Variants in RBFOX3 observed in about 807,000 individuals in gnomAD.
RBFOX3 encodes RNA binding protein fox-1 homolog 3.
Under a neutral mutation model 48.7 loss-of-function variants are expected in RBFOX3, and 17 were observed. That is an observed-to-expected ratio of 0.35 (90% CI 0.24 to 0.52). The LOEUF (loss-of-function observed/expected upper bound fraction) is 0.52, where lower values mean the gene tolerates loss of function less well. Among genes scored for constraint, RBFOX3 ranks in the 20% least tolerant of loss-of-function variants. The pLI, the probability that RBFOX3 is intolerant of heterozygous loss-of-function variation, is 0.94. For synonymous variants in RBFOX3, 212 were observed against 209.5 expected (o/e 1.01, Z -0.10); for missense variants, 382 against 497.5 (o/e 0.77, Z 2.21).
chr17:79,303,093 C>G (rs1438264829), intron 3 of RBFOX3, among the ~76,000 whole-genome samples: 1 of 152,110 alleles, frequency 6.6e-6, no homozygotes, highest in African/African-American at 2.4e-5. Flanking sequence ...CCTGTGGTCC[C>G]AGCTACTTGG....
intron 4 of RBFOX3, among the ~76,000 whole-genome samples, chr17:79,137,418 G>A (rs1051690851): frequency 1.3e-5 from 2 of 152,098 alleles, no homozygotes; most frequent in African/African-American, 4.8e-5. Flanking sequence ...AGGGGGCGGG[G>A]CAAAATCACC....
intron 4 of RBFOX3, among the ~76,000 whole-genome samples, chr17:79,172,619 A>G (rs1249595818): frequency 1.3e-5 from 2 of 152,318 alleles, no homozygotes; most frequent in Middle Eastern, 3.4e-3. Context: ...GACCAGAGGG[A>G]GTATCAGAGC....
At chr17:79,247,227 G>T (rs2063299358) in intron 3 of RBFOX3, among the ~76,000 whole-genome samples, 2 of 152,126 alleles carry the variant, frequency 1.3e-5, no homozygotes, top group Admixed American at 1.3e-4. Context: ...AGGATGAAAG[G>T]TGGGAGATAC....
At chr17:79,510,087 G>A (rs946224384) in intron 1 of RBFOX3, among the ~76,000 whole-genome samples, 8 of 152,128 alleles carry the variant, frequency 5.3e-5, no homozygotes, top group Non-Finnish European at 1.0e-4. Flanking sequence ...ATGGCCTCAC[G>A]CAACTCTGCC....
chr17:79,488,495 G>T (rs1555770869), intron 1 of RBFOX3, among the ~76,000 whole-genome samples: 1 of 152,194 alleles, frequency 6.6e-6, no homozygotes. Context: ...TCCATTCTCT[G>T]CAACAGCCTG....
rs976840584 is a variant in RBFOX3, at chr17:79,588,492, T to G, written c.-320+22334A>C. Among the ~76,000 whole-genome samples the G allele has an allele frequency of 4.1e-3, 625 of 152,294 alleles. 5 individuals are homozygous for G. The highest frequency in any genetic ancestry group is 0.014 in the African/African-American group (600 of 41,566). On this transcript the variant is annotated intron_variant, in intron 1 of 14. Coordinates refer to ENST00000693108, the MANE Select transcript of RBFOX3 (RefSeq NM_001350451.2). ...AATAAATAGTAGTTGACCAAGGTAC[T>G]GACCACCCTCACCCCAGGTTAGGAA...
chr17:79,328,601 A>G (rs2079707626), intron 2 of RBFOX3, among the ~76,000 whole-genome samples: 1 of 152,222 alleles, frequency 6.6e-6, no homozygotes, highest in Admixed American at 6.5e-5. Flanking sequence ...GACAGCCCCC[A>G]GGTCTTGCAC....
chr17:79,207,188 C>T (rs1461355128), intron 4 of RBFOX3, among the ~76,000 whole-genome samples: 1 of 152,218 alleles, frequency 6.6e-6, no homozygotes, highest in African/African-American at 2.4e-5. Context: ...TTTTACGATT[C>T]AGAAAACAGA....
chr17:79,240,327 C>T (rs1235415632), intron 3 of RBFOX3, among the ~76,000 whole-genome samples: 1 of 152,220 alleles, frequency 6.6e-6, no homozygotes, highest in African/African-American at 2.4e-5. Flanking sequence ...AGACCACTCC[C>T]ACTCATTGGT....
chr17:79,491,063 G>A (rs1158467788), intron 1 of RBFOX3, among the ~76,000 whole-genome samples: 1 of 10,990 alleles, frequency 9.1e-5, no homozygotes, highest in African/African-American at 5.6e-4. Context: ...AGAGGGGAGG[G>A]GAGGGGAGGG....
At chr17:79,650,862 C>G in the RBFOX3 span, among the ~76,000 whole-genome samples, 1 of 152,182 alleles carries the variant, frequency 6.6e-6, no homozygotes, top group Non-Finnish European at 1.5e-5. Context: ...GTGGCACCAG[C>G]ATCTCCATGC....
At chr17:79,352,779 G>T (rs570573098) in intron 2 of RBFOX3, among the ~76,000 whole-genome samples, 2 of 152,220 alleles carry the variant, frequency 1.3e-5, no homozygotes, top group Non-Finnish European at 2.9e-5. Context: ...TGACCTCACA[G>T]TGTCAGGTCA....
chr17:79,209,140 T>C (rs2058000274), intron 4 of RBFOX3, among the ~76,000 whole-genome samples: 1 of 151,982 alleles, frequency 6.6e-6, no homozygotes, highest in South Asian at 2.1e-4. Flanking sequence ...TTTCTGTACG[T>C]GCCCATTCCT....
intron 3 of RBFOX3, among the ~76,000 whole-genome samples, chr17:79,271,076 G>GA: frequency 1.1e-5 from 1 of 90,082 alleles, no homozygotes; most frequent in East Asian, 5.1e-4. Context: ...AAATTCATAA[G>GA]ATTTTTTTTT....
chr17:79,647,559 T>C, the RBFOX3 span, among the ~76,000 whole-genome samples: 1 of 152,004 alleles, frequency 6.6e-6, no homozygotes, highest in South Asian at 2.1e-4. Context: ...CACTGGGAAA[T>C]CTCTGGCCCA....
intron 1 of RBFOX3, among the ~76,000 whole-genome samples, chr17:79,590,630 G>C (rs2145077518): frequency 6.6e-6 from 1 of 152,302 alleles, no homozygotes; most frequent in South Asian, 2.1e-4. Flanking sequence ...GCTCCTCCAG[G>C]AAAGGAGGCG....
chr17:79,411,096 C>T (rs1220293021), intron 2 of RBFOX3, among the ~76,000 whole-genome samples: 4 of 152,236 alleles, frequency 2.6e-5, no homozygotes, highest in Non-Finnish European at 1.5e-5. Flanking sequence ...CAACAGGAAC[C>T]ACCTTGAGCA....
intron 2 of RBFOX3, among the ~76,000 whole-genome samples, chr17:79,465,988 C>T (rs2076263778): frequency 6.6e-6 from 1 of 152,200 alleles, no homozygotes; most frequent in South Asian, 2.1e-4. Flanking sequence ...CCAGGAACAA[C>T]CCAGCTGGAT....
chr17:79,345,248 G>T (rs1029874400), intron 2 of RBFOX3, among the ~76,000 whole-genome samples: 10 of 152,168 alleles, frequency 6.6e-5, no homozygotes, highest in African/African-American at 1.9e-4. Context: ...TGACATTTAC[G>T]TGCATAGAGT....
Sources: allele counts gnomAD v4.1 joint callset (sites outside exome capture counted in the v4.1 genomes callset), GRCh38; gene constraint gnomAD v4.1.1; transcripts MANE v1.5; gene names NCBI Gene and HGNC (gene_info 2026-07-23, HGNC 2026-07-21).